APBA2: variants seen among roughly 807,000 people sequenced by gnomAD.
The protein encoded by APBA2 is amyloid beta precursor protein binding family A member 2, also known as amyloid-beta A4 precursor protein-binding family A member 2.
In APBA2, 30 loss-of-function variants were observed where a neutral mutation model predicts 75.0. The ratio of observed to expected loss-of-function variants is 0.40; its 90% CI spans 0.30 to 0.54. The LOEUF (loss-of-function observed/expected upper bound fraction) is 0.54, where lower values mean the gene tolerates loss of function less well. Ranked by LOEUF, APBA2 falls within the 20% of genes least tolerant of loss-of-function variation. The pLI is 0.49. For synonymous variants in APBA2, 444 were observed against 409.6 expected (o/e 1.08, Z -1.01); for missense variants, 801 against 1,016.1 (o/e 0.79, Z 2.88).
At chr15:28,928,634 C>T (rs1217166771) in intron 2 of APBA2, among the ~76,000 whole-genome samples, 3 of 152,200 alleles carry the variant, frequency 2.0e-5, no homozygotes, top group Non-Finnish European at 2.9e-5. Flanking sequence ...GCCCTTCCTC[C>T]GTGGCTTTGC....
intron 1 of APBA2, among the ~76,000 whole-genome samples, chr15:28,887,590 C>T (rs1471632207): frequency 2.0e-5 from 3 of 152,166 alleles, no homozygotes; most frequent in East Asian, 3.9e-4. Context: ...GCCCTCTGTG[C>T]TGATTCCTGG....
intron 12 of APBA2, among the ~76,000 whole-genome samples, chr15:29,107,315 G>A (rs1272424442): frequency 1.3e-5 from 2 of 152,168 alleles, no homozygotes; most frequent in South Asian, 2.1e-4. Flanking sequence ...GGGAGGTGCT[G>A]CCTGTCGCTG....
chr15:29,076,670 C>T (rs895052971), intron 6 of APBA2, among the ~76,000 whole-genome samples: 3 of 152,108 alleles, frequency 2.0e-5, no homozygotes, highest in Non-Finnish European at 2.9e-5. Flanking sequence ...TCTAGTGCTC[C>T]AACCTCAGAG....
chr15:29,017,265 T>C (rs2039709055), intron 3 of APBA2, among the ~76,000 whole-genome samples: 1 of 152,144 alleles, frequency 6.6e-6, no homozygotes, highest in Admixed American at 6.5e-5. Flanking sequence ...TTCTCTATTT[T>C]AATTTCTCCA....
intron 1 of APBA2, among the ~76,000 whole-genome samples, chr15:28,919,126 T>C (rs149818218): frequency 0.033 from 4,964 of 152,206 alleles, 228 homozygotes; most frequent in African/African-American, 0.11. Flanking sequence ...TCCCAAAATG[T>C]TGGGATTACA....
intron 2 of APBA2, among the ~76,000 whole-genome samples, chr15:28,951,339 T>C (rs59516683): frequency 0.022 from 3,317 of 152,260 alleles, 128 homozygotes; most frequent in African/African-American, 0.076. Context: ...CAAAGAAAAC[T>C]GTACCTCTTT....
In APBA2 at chr15:29,113,860, G is replaced by C. The variant is rs1369918522; in HGVS notation, c.2038-16G>C. 1 of 1,607,590 alleles carries C rather than the reference G, an allele frequency of 6.2e-7. No homozygotes were observed. The highest frequency in any genetic ancestry group is 8.5e-7 in the Non-Finnish European group (1 of 1,178,908). ...GTGGCGGGAACACGTGTGCTGACCT[G>C]GCCATGTCTGCTTAGATCTGCAGCC... is the stretch of plus-strand genomic sequence containing the variant. On this transcript the variant is annotated splice_polypyrimidine_tract_variant and intron_variant, in intron 13 of 14. Transcript: ENST00000683413.
At chr15:29,031,963 G>A (rs1200222865) in intron 3 of APBA2, among the ~76,000 whole-genome samples, 1 of 152,254 alleles carries the variant, frequency 6.6e-6, no homozygotes, top group African/African-American at 2.4e-5. Flanking sequence ...GAAAAGGAAG[G>A]TGGTGTTAAC....
chr15:29,115,249 TGGGTGGGC>T (rs1567036196), intron 14 of APBA2, among the ~76,000 whole-genome samples: 1 of 1,340 alleles, frequency 7.5e-4, no homozygotes, highest in Non-Finnish European at 1.2e-3. Flanking sequence ...TTGCAGCCTG[TGGGTGGGC>T]GGGTGGGTGG....
At chr15:28,906,079 A>G (rs2033117601) in intron 1 of APBA2, among the ~76,000 whole-genome samples, 1 of 152,182 alleles carries the variant, frequency 6.6e-6, no homozygotes, top group Non-Finnish European at 1.5e-5. Context: ...ATGTTTTAAA[A>G]GTATTTTTCA....
chr15:29,075,165 G>A lies in APBA2; in HGVS notation c.1032+164G>A, dbSNP rs187561582. ...GGCCAAGTTGGTGTCACCATATGGT[G>A]AGGAGGTGAGGGCACACTGGCCTGG... On this transcript the variant is annotated intron_variant, in intron 5 of 14. Coordinates refer to ENST00000683413, the MANE Select transcript of APBA2 (RefSeq NM_001353788.2). Among the ~76,000 whole-genome samples the A allele has an allele frequency of 4.5e-3, 685 of 152,268 alleles. 9 individuals carry two copies. The highest frequency in any genetic ancestry group is 0.014 in the Middle Eastern group (4 of 294).
At chr15:28,890,848 C>T (rs1446496093) in intron 1 of APBA2, among the ~76,000 whole-genome samples, 3 of 152,162 alleles carry the variant, frequency 2.0e-5, no homozygotes, top group Non-Finnish European at 2.9e-5. Context: ...AGCCTTGGGC[C>T]TGTGTGGCTT....
intron 3 of APBA2, among the ~76,000 whole-genome samples, chr15:29,016,396 C>T (rs939871456): frequency 4.6e-5 from 7 of 152,130 alleles, no homozygotes; most frequent in African/African-American, 1.2e-4. Flanking sequence ...CACAAATTCA[C>T]GCTTATTATT....
intron 2 of APBA2, among the ~76,000 whole-genome samples, chr15:28,987,556 G>C (rs1396533679): frequency 6.6e-6 from 1 of 151,868 alleles, no homozygotes. Context: ...AGAGTATAGA[G>C]AGAGTAGAGA....
At chr15:29,024,290 A>G (rs2040107373) in intron 3 of APBA2, among the ~76,000 whole-genome samples, 1 of 152,208 alleles carries the variant, frequency 6.6e-6, no homozygotes, top group Non-Finnish European at 1.5e-5. Context: ...ACATCTTCCT[A>G]CATTTCCACG....
At chr15:28,932,014 C>T (rs1014109404) in intron 2 of APBA2, among the ~76,000 whole-genome samples, 1 of 152,190 alleles carries the variant, frequency 6.6e-6, no homozygotes, top group African/African-American at 2.4e-5. Flanking sequence ...GCAGCTGAGT[C>T]TAGCCCTCCT....
chr15:29,064,121 C>A (rs73370210), intron 4 of APBA2, among the ~76,000 whole-genome samples: 105 of 152,264 alleles, frequency 6.9e-4, no homozygotes, highest in African/African-American at 2.4e-3. Flanking sequence ...TTTCTCACAC[C>A]GAATATCTAA....
rs767032286 is a variant in APBA2 at position 29,117,181 on chromosome 15, G to A, written c.*48G>A. ...GCCAGGACACCGGGCAGGGCCGCCC[G>A]GGCCCAGAGGAGCTGGGAGCCGGGC... On this transcript the variant is annotated 3_prime_UTR_variant, in exon 15 of 15. Coordinates refer to ENST00000683413, the MANE Select transcript of APBA2 (RefSeq NM_001353788.2). The A allele has an allele frequency of 1.9e-5, 30 of 1,580,914 alleles. No individual in the cohort carries two copies. Among genetic ancestry groups the A allele is most frequent in the East Asian group, 6.7e-5 (3 of 44,626 alleles).
intron 2 of APBA2, chr15:28,976,969 A>C (rs531916281): frequency 6.6e-6 from 1 of 152,200 alleles, no homozygotes; most frequent in Admixed American, 6.5e-5. Flanking sequence ...GCCAGATTTC[A>C]AGTGACTAAT....
Sources: gnomAD v4.1 joint callset for allele counts (sites outside exome capture counted in the v4.1 genomes callset) on GRCh38, gnomAD v4.1.1 for gene constraint, MANE v1.5 for transcripts, NCBI Gene and HGNC (gene_info 2026-07-23, HGNC 2026-07-21) for gene names.